Variants in SLC14A2 observed in about 807,000 individuals in gnomAD.
The protein encoded by SLC14A2 is urea transporter 2.
Under a neutral mutation model 104.6 loss-of-function variants are expected in SLC14A2, and 91 were observed. The observed-to-expected ratio is 0.87, with a 90% confidence interval of 0.73 to 1.04. The LOEUF (loss-of-function observed/expected upper bound fraction) is 1.04, where lower values mean the gene tolerates loss of function less well. Among genes scored for constraint, SLC14A2 ranks in the 50% least tolerant of loss-of-function variants. The pLI is 0.00. For missense variants in SLC14A2, 1,189 were observed against 1,156.0 expected (o/e 1.03, Z -0.41); for synonymous variants, 476 against 466.4 (o/e 1.02, Z -0.27).
intron 1 of SLC14A2, among the ~76,000 whole-genome samples, chr18:45,622,679 C>T (rs766685685): frequency 1.7e-4 from 26 of 152,230 alleles, no homozygotes; most frequent in Admixed American, 5.2e-4. Context: ...TGTGAAGGAG[C>T]AACCAGAGAG....
chr18:45,489,275 C>A (rs924318674), intron 2 of SLC14A2, among the ~76,000 whole-genome samples: 1 of 152,176 alleles, frequency 6.6e-6, no homozygotes, highest in Non-Finnish European at 1.5e-5. Flanking sequence ...CTTTGAGAGG[C>A]TGAGGCCAGC....
intron 1 of SLC14A2, among the ~76,000 whole-genome samples, chr18:45,338,012 A>G (rs1263325956): frequency 1.3e-5 from 2 of 152,118 alleles, no homozygotes; most frequent in South Asian, 4.1e-4. Context: ...CATCTACATA[A>G]TAAGAACCCT....
At chr18:45,385,680 T>A (rs997577871) in intron 1 of SLC14A2, among the ~76,000 whole-genome samples, 2 of 152,230 alleles carry the variant, frequency 1.3e-5, no homozygotes, top group Non-Finnish European at 2.9e-5. Context: ...TGTAAGTGAC[T>A]TGCTCAAGAT....
chr18:45,556,229 C>T (rs1346906683), intron 2 of SLC14A2, among the ~76,000 whole-genome samples: 1 of 152,158 alleles, frequency 6.6e-6, no homozygotes, highest in South Asian at 2.1e-4. Context: ...AGTACCATCA[C>T]CTTGAAAGTT....
intron 2 of SLC14A2, among the ~76,000 whole-genome samples, chr18:45,625,450 A>C (rs1393614240): frequency 6.6e-6 from 1 of 152,224 alleles, no homozygotes; most frequent in Non-Finnish European, 1.5e-5. Flanking sequence ...AACTGCCAAA[A>C]GAGATCCATG....
chr18:45,397,134 A>G (rs570591760), intron 1 of SLC14A2, among the ~76,000 whole-genome samples: 1 of 152,184 alleles, frequency 6.6e-6, no homozygotes, highest in African/African-American at 2.4e-5. Flanking sequence ...ATTTATGTGC[A>G]TGTGACTTTA....
the SLC14A2 span, among the ~76,000 whole-genome samples, chr18:45,186,655 C>A: frequency 5.9e-5 from 9 of 152,156 alleles, no homozygotes; most frequent in Non-Finnish European, 1.2e-4. Flanking sequence ...CTGCCACTCC[C>A]AGATCTGGAG....
chr18:45,422,651 C>T (rs573575041), intron 1 of SLC14A2, among the ~76,000 whole-genome samples: 1 of 152,240 alleles, frequency 6.6e-6, no homozygotes, highest in Admixed American at 6.5e-5. Context: ...TGGGGAGGAT[C>T]CTACAGAGAG....
intron 2 of SLC14A2, among the ~76,000 whole-genome samples, chr18:45,496,516 A>T (rs1220988022): frequency 6.6e-6 from 1 of 152,200 alleles, no homozygotes; most frequent in East Asian, 1.9e-4. Context: ...CACGCCTGTA[A>T]TCCCAACACT....
At chr18:45,572,105 C>T (rs2044355967) in intron 2 of SLC14A2, among the ~76,000 whole-genome samples, 1 of 152,196 alleles carries the variant, frequency 6.6e-6, no homozygotes, top group Non-Finnish European at 1.5e-5. Flanking sequence ...CTATGATCAA[C>T]TTGTTTCCTT....
At chr18:45,230,439 A>T (rs1264794859) in intron 1 of SLC14A2, among the ~76,000 whole-genome samples, 1 of 152,118 alleles carries the variant, frequency 6.6e-6, no homozygotes, top group African/African-American at 2.4e-5. Flanking sequence ...ATTTTCAAGG[A>T]CAGTGACATT....
At position 45,243,956 on chromosome 18, in the gene SLC14A2, G is replaced by C. The variant is rs2144057383; in HGVS notation, c.-125+30765G>C. Among the ~76,000 whole-genome samples the C allele has an allele frequency of 1.3e-5, 2 of 152,226 alleles. 1 individual carries two copies. The highest frequency in any genetic ancestry group is 6.8e-3 in the Middle Eastern group (2 of 294). ...ATTGGCACAAGAGTTATGGTATTCG[G>C]GGTAGATTAATTAATGAGGTGTCTG... On this transcript the variant is annotated intron_variant, in intron 1 of 20. Transcript: ENST00000586448.
chr18:45,472,287 T>G (rs1372799286), intron 1 of SLC14A2, among the ~76,000 whole-genome samples: 1 of 152,228 alleles, frequency 6.6e-6, no homozygotes, highest in African/African-American at 2.4e-5. Flanking sequence ...TGATGGGCAT[T>G]TGGGTGGGTT....
At chr18:45,610,914 C>T (rs2044961806), upstream of SLC14A2, among the ~76,000 whole-genome samples, 1 of 152,200 alleles carries the variant, frequency 6.6e-6, no homozygotes, top group African/African-American at 2.4e-5. Context: ...TCTTCTTGTA[C>T]AGAAAATGTG....
rs373380713 is a variant in SLC14A2, at chr18:45,282,833, CT to C, written c.-125+69645del. On this transcript the variant is annotated intron_variant, in intron 1 of 20. Coordinates refer to the SLC14A2 transcript ENST00000586448. ...CCTCCCTCCCTACCTCCCTCCCTTC[CT>C]TTCTTTTCTTCTCTTCCTTCTTTCC... is the stretch of plus-strand genomic sequence containing the variant. 4.7e-3 allele frequency among the ~76,000 whole-genome samples: 457 copies of C among 97,264 alleles called. 3 individuals are homozygous for C. The highest frequency in any genetic ancestry group is 0.018 in the African/African-American group (415 of 23,218). The allele number at this position is 97,264 out of a possible 152,430, so 63.8% of individuals were successfully genotyped here.
chr18:45,462,572 G>A (rs1180619413), intron 1 of SLC14A2, among the ~76,000 whole-genome samples: 1 of 152,102 alleles, frequency 6.6e-6, no homozygotes, highest in Admixed American at 6.5e-5. Context: ...GACTGTTCCA[G>A]GTAATTGAAA....
chr18:45,566,216 G>A (rs529366872), intron 2 of SLC14A2, among the ~76,000 whole-genome samples: 7 of 152,144 alleles, frequency 4.6e-5, no homozygotes, highest in African/African-American at 1.2e-4. Flanking sequence ...TGCTCTGATC[G>A]TGCCCATTTT....
intron 2 of SLC14A2, among the ~76,000 whole-genome samples, chr18:45,539,187 G>GTGGGAATTCAGGGATTCAGA: frequency 6.6e-6 from 1 of 152,092 alleles, no homozygotes; most frequent in South Asian, 2.1e-4. Flanking sequence ...AGGGATTCAG[G>GTGGGAATTCAGGGATTCAGA]TGGGAATCTT....
At chr18:45,546,422 G>A (rs571754430) in intron 2 of SLC14A2, among the ~76,000 whole-genome samples, 70 of 152,306 alleles carry the variant, frequency 4.6e-4, no homozygotes, top group Non-Finnish European at 9.1e-4. Flanking sequence ...GAGTTGAATC[G>A]ATGCAAACGA....
Sources: gnomAD v4.1 joint callset for allele counts (sites outside exome capture counted in the v4.1 genomes callset) on GRCh38, gnomAD v4.1.1 for gene constraint, MANE v1.5 for transcripts, NCBI Gene and HGNC (gene_info 2026-07-23, HGNC 2026-07-21) for gene names.